The following SLC44A3 variants were observed in gnomAD, a reference collection of about 807,000 sequenced individuals.
SLC44A3 encodes solute carrier family 44 member 3.
A neutral mutation model predicts 75.4 loss-of-function variants in SLC44A3; 74 were observed. The ratio of observed to expected loss-of-function variants is 0.98; its 90% CI spans 0.81 to 1.19. The LOEUF (loss-of-function observed/expected upper bound fraction) is 1.19, where lower values mean the gene tolerates loss of function less well. Among genes scored for constraint, SLC44A3 ranks in the 50% most tolerant of loss-of-function variants. SLC44A3 has a pLI of 0.00. For synonymous variants in SLC44A3, 310 were observed against 296.9 expected (o/e 1.04, Z -0.45); for missense variants, 700 against 778.6 (o/e 0.90, Z 1.20).
intron 14 of SLC44A3, among the ~76,000 whole-genome samples, chr1:94,893,743 T>C (rs1170834248): frequency 6.6e-6 from 1 of 152,200 alleles, no homozygotes; most frequent in African/African-American, 2.4e-5. Flanking sequence ...AAAGTGCTTA[T>C]GATGGTGGTA....
At chr1:94,887,637 G>A (rs924047497) in intron 12 of SLC44A3, among the ~76,000 whole-genome samples, 8 of 152,088 alleles carry the variant, frequency 5.3e-5, no homozygotes, top group East Asian at 1.9e-4. Flanking sequence ...AATTAAATAC[G>A]AGGCAGTGAT....
Position 94,894,051 on chromosome 1 carries a change from C to T in SLC44A3, c.1858-767C>T, listed in dbSNP as rs547191503. 9.9e-4 allele frequency among the ~76,000 whole-genome samples: 150 copies of T among 152,022 alleles called. 1 individual carries two copies. Among genetic ancestry groups the T allele is most frequent in the Admixed American group, 2.6e-3 (39 of 15,278 alleles). ...TGGAGGTTGCAGTGAGCTGAGATGG[C>T]GCCATTGCACTCCAGCCTGGGCGAC... On this transcript the variant is annotated intron_variant, in intron 14 of 14. Coordinates refer to ENST00000271227, the MANE Select transcript of SLC44A3 (RefSeq NM_001114106.3).
chr1:94,876,522 C>T (rs930066481), intron 12 of SLC44A3, among the ~76,000 whole-genome samples: 2 of 152,190 alleles, frequency 1.3e-5, no homozygotes, highest in African/African-American at 4.8e-5. Context: ...GAAGTGATGA[C>T]TGGCCAGAGA....
At chr1:94,892,583 G>T in intron 14 of SLC44A3, 66 bp downstream of exon 14, 1 of 1,483,588 alleles carries the variant, frequency 6.7e-7, no homozygotes, top group South Asian at 1.2e-5. Flanking sequence ...TTGTAAAGCT[G>T]CACACACGAA....
chr1:94,890,985 G>A, intron 12 of SLC44A3, 145 bp from the exon 13 acceptor site: 1 of 587,624 alleles, frequency 1.7e-6, no homozygotes, highest in Non-Finnish European at 2.8e-6. Flanking sequence ...TAATCAGACT[G>A]GAAAGGACTT....
chr1:94,853,107 GAGGCACTTC>G (rs1665417889), intron 9 of SLC44A3, among the ~76,000 whole-genome samples: 1 of 152,172 alleles, frequency 6.6e-6, no homozygotes, highest in Admixed American at 6.5e-5. Context: ...ACTGTGCTTT[GAGGCACTTC>G]AGGATGCCCG....
In SLC44A3 at chr1:94,891,260, T is replaced by C; in HGVS notation, c.1613T>C (p.Leu538Pro). ...INCFGDFIIFLGKVLVVCFTV... is the reference protein window; with the variant it reads ...INCFGDFIIFPGKVLVVCFTV... The stretch of plus-strand genomic sequence containing the variant: ...TGCTTTGGAGACTTCATAATTTTTC[T>C]AGGAAAGGTGAGATATCTTGACTAA... Residue 538 changes from leucine (L) to proline (P), a missense_variant, in exon 13 of 15, where the codon CTA (leucine) becomes CCA (proline). Leu to Pro is a moderately conservative substitution (Grantham distance 98, BLOSUM62 -3). Transcript: ENST00000271227. The C allele has an allele frequency of 1.2e-6, 2 of 1,604,942 alleles. No individual in the cohort carries two copies. Among genetic ancestry groups the C allele is most frequent in the Non-Finnish European group, 1.7e-6 (2 of 1,177,056 alleles).
At chr1:94,893,456 C>T (rs1189804781) in intron 14 of SLC44A3, among the ~76,000 whole-genome samples, 4 of 152,078 alleles carry the variant, frequency 2.6e-5, no homozygotes, top group African/African-American at 4.8e-5. Flanking sequence ...TCTCAGCTCA[C>T]CGCAACCTCC....
At chr1:94,856,740 T>C (rs1029986901) in intron 9 of SLC44A3, among the ~76,000 whole-genome samples, 4 of 152,146 alleles carry the variant, frequency 2.6e-5, no homozygotes, top group Non-Finnish European at 4.4e-5. Context: ...TCTTCTTCTT[T>C]TTTTTTGGAG....
At chr1:94,826,015 G>A (rs1557799068) in intron 3 of SLC44A3, 2 of 442,820 alleles carry the variant, frequency 4.5e-6, no homozygotes, top group Admixed American at 2.4e-5. Flanking sequence ...TGGTTGAATG[G>A]ATAATCAAAA....
In SLC44A3 at chr1:94,891,760, T is replaced by C. The variant is rs373649046; in HGVS notation, c.1620+493T>C. On this transcript the variant is annotated intron_variant, in intron 13 of 14. Coordinates refer to ENST00000271227, the MANE Select transcript of SLC44A3 (RefSeq NM_001114106.3). ...CAACATGGGAAAACCCCGTCTCTAC[T>C]AAAAATACAAAAATTAGCCGGGTGT... Among the ~76,000 whole-genome samples, 17 of 152,136 alleles carry C rather than the reference T, an allele frequency of 1.1e-4. 1 individual carries two copies. Among genetic ancestry groups the C allele is most frequent in the Admixed American group, 8.5e-4 (13 of 15,270 alleles).
At chr1:94,836,672 T>G (rs1157125099) in intron 5 of SLC44A3, 2 of 152,196 alleles carry the variant, frequency 1.3e-5, no homozygotes, top group East Asian at 3.9e-4. Context: ...TCCCAATACT[T>G]TGAGACATCA....
intron 12 of SLC44A3, among the ~76,000 whole-genome samples, chr1:94,867,798 T>C (rs1268259935): frequency 6.6e-6 from 1 of 152,220 alleles, no homozygotes; most frequent in Non-Finnish European, 1.5e-5. Flanking sequence ...TGGAGCTAGC[T>C]CCTGAGCTGT....
At chr1:94,883,162 G>T (rs758261504) in intron 12 of SLC44A3, among the ~76,000 whole-genome samples, 2 of 151,554 alleles carry the variant, frequency 1.3e-5, no homozygotes, top group African/African-American at 4.9e-5. Context: ...CAGCAGGTGT[G>T]TGAAGGGGCA....
intron 10 of SLC44A3, among the ~76,000 whole-genome samples, chr1:94,858,457 C>T (rs1364183034): frequency 1.3e-5 from 2 of 152,136 alleles, no homozygotes; most frequent in Admixed American, 6.5e-5. Context: ...GTGTGACTCA[C>T]CCCAGGGCAG....
At chr1:94,859,271 T>C (rs1441036951) in intron 10 of SLC44A3, among the ~76,000 whole-genome samples, 5 of 152,200 alleles carry the variant, frequency 3.3e-5, no homozygotes, top group Admixed American at 2.6e-4. Context: ...CAGTGAAGCA[T>C]ATGCATTTAT....
At chr1:94,894,009 C>T (rs1165390889) in intron 14 of SLC44A3, among the ~76,000 whole-genome samples, 2 of 152,090 alleles carry the variant, frequency 1.3e-5, no homozygotes, top group Admixed American at 6.5e-5. Flanking sequence ...ACAGGAGAAT[C>T]GCTTGAACCC....
At chr1:94,894,048 T>C (rs1449815979) in intron 14 of SLC44A3, among the ~76,000 whole-genome samples, 1 of 151,996 alleles carries the variant, frequency 6.6e-6, no homozygotes, top group Non-Finnish European at 1.5e-5. Flanking sequence ...TGAGCTGAGA[T>C]GGCGCCATTG....
chr1:94,833,086 T>C (rs1322444743), intron 5 of SLC44A3, among the ~76,000 whole-genome samples: 2 of 152,134 alleles, frequency 1.3e-5, no homozygotes, highest in East Asian at 3.9e-4. Flanking sequence ...AAGGCCATAG[T>C]CCAGGAAGGA....
Sources: allele counts gnomAD v4.1 joint callset (sites outside exome capture counted in the v4.1 genomes callset), GRCh38; gene constraint gnomAD v4.1.1; transcripts MANE v1.5; gene names NCBI Gene and HGNC (gene_info 2026-07-23, HGNC 2026-07-21).